The following ZNF521 variants were observed in gnomAD, a reference collection of about 807,000 sequenced individuals.
ZNF521 encodes the protein zinc finger protein 521, also known as LYST-interacting protein 3.
Under a neutral mutation model 105.5 loss-of-function variants are expected in ZNF521, and 14 were observed. The observed-to-expected ratio is 0.13, with a 90% CI of 0.09 to 0.21. The LOEUF is 0.21. Among genes scored for constraint, ZNF521 ranks in the 10% least tolerant of loss-of-function variants. The pLI, the probability that ZNF521 is intolerant of heterozygous loss-of-function variation, is 1.00. For missense variants in ZNF521, 1,233 were observed against 1,629.7 expected (o/e 0.76, Z 4.19); for synonymous variants, 635 against 606.0 (o/e 1.05, Z -0.70).
At chr18:25,117,535 T>C (rs1052230661) in intron 5 of ZNF521, among the ~76,000 whole-genome samples, 2 of 152,154 alleles carry the variant, frequency 1.3e-5, no homozygotes, top group Non-Finnish European at 2.9e-5. Context: ...AAGGAAAATA[T>C]ATTCTTCATG....
chr18:25,168,228 C>G (rs896653536), intron 5 of ZNF521, among the ~76,000 whole-genome samples: 1 of 152,110 alleles, frequency 6.6e-6, no homozygotes, highest in African/African-American at 2.4e-5. Context: ...CTGCTTGGAG[C>G]CTGCTGAGTG....
intron 7 of ZNF521, among the ~76,000 whole-genome samples, chr18:25,085,634 T>C (rs1567955066): frequency 6.9e-6 from 1 of 144,222 alleles, no homozygotes; most frequent in Non-Finnish European, 1.5e-5. Context: ...TATACATACT[T>C]ATACATCCCC....
rs562743037 is a variant in ZNF521 at position 25,191,821 on chromosome 18, A to G, written c.3658+3339T>C. On this transcript the variant is annotated intron_variant, in intron 5 of 7. Transcript: ENST00000361524. ...ATTTAAATTCTCTTGTTTCATCTCT[A>G]TTTTTGCTAATCCATACCAAAGAAT... 9.2e-5 allele frequency among the ~76,000 whole-genome samples: 14 copies of G among 152,250 alleles called. 2 individuals carry two copies. In the South Asian group the frequency reaches 2.3e-3, roughly 25 times the overall value.
chr18:25,114,062 C>G (rs1295718938), intron 5 of ZNF521, among the ~76,000 whole-genome samples: 1 of 152,014 alleles, frequency 6.6e-6, no homozygotes, highest in Admixed American at 6.6e-5. Flanking sequence ...CACAGGGAAG[C>G]CCTAAATTTA....
At chr18:25,314,076 T>C (rs9955670) in intron 3 of ZNF521, among the ~76,000 whole-genome samples, 285 of 152,248 alleles carry the variant, frequency 1.9e-3, no homozygotes, top group African/African-American at 6.4e-3. Context: ...GAAATTAATA[T>C]AGAAATATGC....
intron 2 of ZNF521, among the ~76,000 whole-genome samples, chr18:25,344,747 AGCT>A (rs1914388185): frequency 6.6e-6 from 1 of 152,360 alleles, no homozygotes; most frequent in African/African-American, 2.4e-5. Flanking sequence ...TGATGCAGAC[AGCT>A]GCTAAAATAA....
chr18:25,299,091 C>T (rs2145060593), intron 3 of ZNF521, among the ~76,000 whole-genome samples: 1 of 152,346 alleles, frequency 6.6e-6, no homozygotes, highest in Non-Finnish European at 1.5e-5. Context: ...CCAGGTTTGT[C>T]ATCCTCTGCA....
chr18:25,323,077 A>G (rs1913025639), intron 2 of ZNF521, among the ~76,000 whole-genome samples: 1 of 151,926 alleles, frequency 6.6e-6, no homozygotes, highest in Admixed American at 6.6e-5. Context: ...TTCCTCCCAA[A>G]GAGGGAGGAA....
intron 3 of ZNF521, among the ~76,000 whole-genome samples, chr18:25,306,471 A>T (rs568183874): frequency 6.6e-6 from 1 of 152,308 alleles, no homozygotes; most frequent in African/African-American, 2.4e-5. Context: ...ATATTTTTTC[A>T]AAAAGGAAAG....
intron 3 of ZNF521, among the ~76,000 whole-genome samples, chr18:25,296,760 T>C (rs1412587231): frequency 2.6e-5 from 4 of 152,186 alleles, no homozygotes; most frequent in African/African-American, 9.7e-5. Flanking sequence ...TTCTCATGTC[T>C]TGACTATACA....
intron 5 of ZNF521, among the ~76,000 whole-genome samples, chr18:25,108,716 C>G (rs1033445061): frequency 1.3e-5 from 2 of 152,138 alleles, no homozygotes; most frequent in African/African-American, 2.4e-5. Flanking sequence ...TCTCCGCCTC[C>G]CTGGTTCAAG....
chr18:25,201,614 G>A (rs890706756), intron 4 of ZNF521: 2 of 152,118 alleles, frequency 1.3e-5, no homozygotes, highest in South Asian at 4.1e-4. Flanking sequence ...CATTTTTCCA[G>A]GATGTCCCAT....
At chr18:25,147,291 G>A (rs1186902929) in intron 5 of ZNF521, among the ~76,000 whole-genome samples, 3 of 152,036 alleles carry the variant, frequency 2.0e-5, no homozygotes, top group African/African-American at 7.2e-5. Context: ...GTCTAAGGGG[G>A]CATTTTTACA....
At position 25,209,139 on chromosome 18, in the gene ZNF521, C is replaced by CT. The variant is rs201826039; in HGVS notation, c.3574-13896dup. Among the ~76,000 whole-genome samples, 140 of 148,264 alleles carry CT rather than the reference C, an allele frequency of 9.4e-4. 1 individual carries two copies. The East Asian group carries it at 0.017, about 18-fold the overall frequency. ...TTTAAAATATAAGTTTCTATTTTTT[C>CT]TTTTTTTTTTGAGACAGCATCTCGC... is the stretch of plus-strand genomic sequence containing the variant. On this transcript the variant is annotated intron_variant, in intron 4 of 7. Coordinates refer to ENST00000361524, the MANE Select transcript of ZNF521 (RefSeq NM_015461.3).
At chr18:25,117,456 T>A in intron 5 of ZNF521, among the ~76,000 whole-genome samples, 1 of 152,056 alleles carries the variant, frequency 6.6e-6, no homozygotes. Flanking sequence ...GAAAAGACAA[T>A]TAACTTAGAT....
chr18:25,121,273 CTT>C (rs55714696), intron 5 of ZNF521, among the ~76,000 whole-genome samples: 32,820 of 125,846 alleles, frequency 0.26, 4,886 homozygotes, highest in Non-Finnish European at 0.35. Flanking sequence ...CTTCTTCTTC[CTT>C]TTTTTTTTTT....
chr18:25,246,871 C>A (rs1481017772), intron 3 of ZNF521, among the ~76,000 whole-genome samples: 1 of 152,178 alleles, frequency 6.6e-6, no homozygotes, highest in Admixed American at 6.5e-5. Flanking sequence ...TATTTGCCAA[C>A]CCACAGAAGG....
At chr18:25,304,152 A>C (rs1370069419) in intron 3 of ZNF521, among the ~76,000 whole-genome samples, 1 of 152,230 alleles carries the variant, frequency 6.6e-6, no homozygotes, top group Non-Finnish European at 1.5e-5. Flanking sequence ...TAAAACTTAA[A>C]TGAAAATTAC....
chr18:25,076,810 C>G (rs1331892527), intron 7 of ZNF521, among the ~76,000 whole-genome samples: 1 of 152,188 alleles, frequency 6.6e-6, no homozygotes, highest in Non-Finnish European at 1.5e-5. Context: ...AACACTAAAA[C>G]TAATTAAACC....
Sources: gnomAD v4.1 joint callset for allele counts (sites outside exome capture counted in the v4.1 genomes callset) on GRCh38, gnomAD v4.1.1 for gene constraint, MANE v1.5 for transcripts, NCBI Gene and HGNC (gene_info 2026-07-23, HGNC 2026-07-21) for gene names.